The following TENM3 variants were observed in gnomAD, a reference collection of about 807,000 sequenced individuals.
TENM3 encodes teneurin transmembrane protein 3.
A neutral mutation model predicts 255.1 loss-of-function variants in TENM3; 63 were observed. That is an observed-to-expected ratio of 0.25 (90% CI 0.20 to 0.30). The LOEUF is 0.30. Ranked by LOEUF, TENM3 falls within the 10% of genes least tolerant of loss-of-function variation. TENM3 has a pLI of 1.00. For synonymous variants in TENM3, 1,306 were observed against 1,322.3 expected (o/e 0.99, Z 0.27); for missense variants, 2,929 against 3,461.1 (o/e 0.85, Z 3.86).
the TENM3 span, among the ~76,000 whole-genome samples, chr4:181,797,723 G>C: frequency 6.6e-6 from 1 of 152,174 alleles, no homozygotes; most frequent in African/African-American, 2.4e-5. Context: ...TATTTTCAGT[G>C]AATGAGACTA....
intron 22 of TENM3, among the ~76,000 whole-genome samples, chr4:182,767,410 G>A (rs1261307862): frequency 3.9e-5 from 6 of 152,164 alleles, no homozygotes; most frequent in Admixed American, 2.6e-4. Flanking sequence ...ACAGATACGA[G>A]GCTGTTACAA....
the TENM3 span, among the ~76,000 whole-genome samples, chr4:181,490,690 A>T: frequency 6.6e-6 from 1 of 152,184 alleles, no homozygotes; most frequent in Admixed American, 6.5e-5. Context: ...CACCCTGCAT[A>T]TTGGTAAGAA....
chr4:181,912,223 G>A, the TENM3 span, among the ~76,000 whole-genome samples: 2 of 152,176 alleles, frequency 1.3e-5, no homozygotes, highest in African/African-American at 4.8e-5. Flanking sequence ...AACTTAGTTG[G>A]ATAAACTTAC....
chr4:182,437,218 G>A lies in TENM3; in HGVS notation c.511+90289G>A, dbSNP rs1772115399. 2.0e-5 allele frequency among the ~76,000 whole-genome samples: 3 copies of A among 152,172 alleles called. No individual in the cohort carries two copies. The South Asian group carries it at 6.2e-4, about 31-fold the overall frequency. On this transcript the variant is annotated intron_variant, in intron 3 of 27. Coordinates refer to ENST00000511685, the MANE Select transcript of TENM3 (RefSeq NM_001080477.4). ...ATTAAGAAGTTAACATTTGGAAATA[G>A]CTGAGTGAGCTTCTTTAATTCATTC...
chr4:181,839,395 A>G, the TENM3 span, among the ~76,000 whole-genome samples: 1 of 140,680 alleles, frequency 7.1e-6, no homozygotes, highest in Admixed American at 7.3e-5. Context: ...ACACCTATAT[A>G]CATATATATA....
intron 1 of TENM3, among the ~76,000 whole-genome samples, chr4:182,287,776 T>C (rs1471868651): frequency 7.1e-6 from 1 of 141,312 alleles, no homozygotes; most frequent in Non-Finnish European, 1.5e-5. Flanking sequence ...ACCACACCCG[T>C]CTAATTTTGT....
chr4:181,540,077 A>G, the TENM3 span, among the ~76,000 whole-genome samples: 2 of 152,144 alleles, frequency 1.3e-5, no homozygotes, highest in Non-Finnish European at 2.9e-5. Flanking sequence ...GGTGCCAGAA[A>G]CTAAGAAGTG....
the TENM3 span, among the ~76,000 whole-genome samples, chr4:182,113,205 GAA>G: frequency 6.6e-6 from 1 of 152,144 alleles, no homozygotes; most frequent in Non-Finnish European, 1.5e-5. Flanking sequence ...GACAACACTG[GAA>G]AAATCATTTC....
intron 4 of TENM3, among the ~76,000 whole-genome samples, chr4:182,619,957 T>C (rs1749942061): frequency 1.3e-5 from 2 of 152,242 alleles, no homozygotes; most frequent in Admixed American, 1.3e-4. Flanking sequence ...GGGAATATTC[T>C]CACAGGTTCA....
chr4:181,903,544 C>T, the TENM3 span, among the ~76,000 whole-genome samples: 1 of 152,164 alleles, frequency 6.6e-6, no homozygotes, highest in South Asian at 2.1e-4. Flanking sequence ...TCCAACGGAA[C>T]ACATCATCCC....
At chr4:181,522,325 G>A in the TENM3 span, among the ~76,000 whole-genome samples, 3 of 151,906 alleles carry the variant, frequency 2.0e-5, no homozygotes, top group South Asian at 6.2e-4. Flanking sequence ...AAAGAGAGAG[G>A]TTACTTTTAT....
chr4:182,346,987 T>C, intron 3 of TENM3, 58 bp downstream of exon 3: 1 of 1,019,868 alleles, frequency 9.8e-7, no homozygotes. Context: ...CTGTTTTGGT[T>C]GACTCCGCGG....
At chr4:181,905,399 C>T in the TENM3 span, among the ~76,000 whole-genome samples, 2 of 152,124 alleles carry the variant, frequency 1.3e-5, no homozygotes, top group Non-Finnish European at 2.9e-5. Flanking sequence ...TCATGAGTTC[C>T]AGCTGCTGGG....
the TENM3 span, among the ~76,000 whole-genome samples, chr4:181,849,949 T>TCTCTCTCACACACACACACACA: frequency 3.9e-3 from 260 of 65,930 alleles, 4 homozygotes; most frequent in East Asian, 7.3e-3. Flanking sequence ...TCTCTCTCTC[T>TCTCTCTCACACACACACACACA]CACACACACA....
the TENM3 span, among the ~76,000 whole-genome samples, chr4:181,942,996 G>A: frequency 6.6e-6 from 1 of 152,054 alleles, no homozygotes; most frequent in Non-Finnish European, 1.5e-5. Context: ...AGACAATCTT[G>A]GCATATTCAA....
At chr4:182,011,545 T>G in the TENM3 span, among the ~76,000 whole-genome samples, 8 of 152,278 alleles carry the variant, frequency 5.3e-5, no homozygotes, top group African/African-American at 1.9e-4. Flanking sequence ...TCTTGATGAC[T>G]CTCCATGTGC....
chr4:182,349,566 C>G (rs2150691419), intron 3 of TENM3, among the ~76,000 whole-genome samples: 1 of 152,126 alleles, frequency 6.6e-6, no homozygotes, highest in Middle Eastern at 3.4e-3. Flanking sequence ...GTGTCTTTCC[C>G]TTAAGCTGGG....
At chr4:181,703,792 G>C in the TENM3 span, among the ~76,000 whole-genome samples, 1 of 121,164 alleles carries the variant, frequency 8.3e-6, no homozygotes, top group African/African-American at 2.6e-5. Flanking sequence ...GAAGTTCTTT[G>C]GGGAGTTTTT....
At chr4:181,468,155 G>A in the TENM3 span, among the ~76,000 whole-genome samples, 1 of 96,732 alleles carries the variant, frequency 1.0e-5, no homozygotes, top group Admixed American at 9.7e-5. Flanking sequence ...AAATTGGTGT[G>A]GTGGCGCATG....
Sources: gnomAD v4.1 joint callset for allele counts (sites outside exome capture counted in the v4.1 genomes callset) on GRCh38, gnomAD v4.1.1 for gene constraint, MANE v1.5 for transcripts, NCBI Gene and HGNC (gene_info 2026-07-23, HGNC 2026-07-21) for gene names.